BRWD1: variants seen among roughly 807,000 people sequenced by gnomAD.
The protein encoded by BRWD1 is bromodomain and WD repeat-containing protein 1.
BRWD1 carries 82 observed loss-of-function variants against 251.2 expected under a neutral mutation model. The observed-to-expected ratio is 0.33, with a 90% CI of 0.27 to 0.39. The LOEUF (loss-of-function observed/expected upper bound fraction) is 0.39, where lower values mean the gene tolerates loss of function less well. Ranked by LOEUF, BRWD1 falls within the 10% of genes least tolerant of loss-of-function variation. The pLI, the probability that BRWD1 is intolerant of heterozygous loss-of-function variation, is 1.00. For synonymous variants in BRWD1, 918 were observed against 902.8 expected, an observed-to-expected ratio of 1.02 and a Z score of -0.30; for missense variants, 2,233 against 2,711.6, an observed-to-expected ratio of 0.82 and a Z score of 3.92.
chr21:39,258,695 T>C (rs1252115907), intron 17 of BRWD1, 23 bp from the exon 18 acceptor site: 17 of 1,459,082 alleles, frequency 1.2e-5, no homozygotes, highest in Non-Finnish European at 1.5e-5. Context: ...TTATTTAATA[T>C]ATAATCATAT....
intron 8 of BRWD1, among the ~76,000 whole-genome samples, chr21:39,287,527 A>G (rs1157721170): frequency 2.0e-5 from 3 of 152,182 alleles, no homozygotes; most frequent in Non-Finnish European, 4.4e-5. Flanking sequence ...CTCTGTATTA[A>G]CCTTCAATTT....
At chr21:39,279,318 C>T (rs1432243552) in intron 9 of BRWD1, among the ~76,000 whole-genome samples, 1 of 152,042 alleles carries the variant, frequency 6.6e-6, no homozygotes, top group African/African-American at 2.4e-5. Flanking sequence ...TTGAAAATTT[C>T]ACATACTCGT....
intron 4 of BRWD1, among the ~76,000 whole-genome samples, chr21:39,307,767 A>G (rs1182885837): frequency 6.6e-6 from 1 of 152,184 alleles, no homozygotes; most frequent in Non-Finnish European, 1.5e-5. Flanking sequence ...TGTATTTCCC[A>G]CAAGTCTTGA....
Position 39,189,546 on chromosome 21 carries a change from T to A in BRWD1, c.*6713A>T. On this transcript the variant is annotated 3_prime_UTR_variant, in exon 41 of 41. Transcript: ENST00000342449. Reference sequence around the variant, plus strand: ...AAGGAAATTTGAACTTCAGTAACTATGCCCAAGGGAGGGAGAATTTGAATT... The same window carrying A: ...AAGGAAATTTGAACTTCAGTAACTAAGCCCAAGGGAGGGAGAATTTGAATT... 3 of 983,968 alleles carry A rather than the reference T, an allele frequency of 3.0e-6. No homozygotes were observed. The highest frequency in any genetic ancestry group is 4.7e-5 in the South Asian group (1 of 21,270). 61.0% of individuals were successfully genotyped at this position (983,968 alleles called of 1,614,324 possible).
chr21:39,215,207 CTTTTACACAACATCTATGAA>C lies in BRWD1; in HGVS notation c.3785+10_3785+29del. ...TTGTTAATAGCACAATATGCAGTCA[CTTTTACACAACATCTATGAA>C]ATTACTTACTTGATAAATTTTAAAA... On this transcript the variant is annotated intron_variant, in intron 32 of 40. Coordinates refer to ENST00000342449, the MANE Select transcript of BRWD1 (RefSeq NM_033656.4). The C allele has an allele frequency of 6.2e-7, 1 of 1,604,312 alleles. No individual in the cohort carries two copies. The highest frequency in any genetic ancestry group is 8.5e-7 in the Non-Finnish European group (1 of 1,172,216).
At chr21:39,273,663 G>A (rs2035189230) in intron 13 of BRWD1, among the ~76,000 whole-genome samples, 1 of 149,240 alleles carries the variant, frequency 6.7e-6, no homozygotes, top group South Asian at 2.1e-4. Flanking sequence ...TGAGATGGGG[G>A]GACTGCCTGA....
chr21:39,232,641 A>C (rs1476018692), intron 23 of BRWD1, 143 bp from the exon 24 acceptor site: 2 of 881,632 alleles, frequency 2.3e-6, no homozygotes, highest in Non-Finnish European at 3.4e-6. Flanking sequence ...CACAGCATAT[A>C]TATTTAGTTC....
chr21:39,277,371 G>C lies in BRWD1; in HGVS notation c.1004-20C>G. 3 of 1,469,776 alleles carry C rather than the reference G, an allele frequency of 2.0e-6. No homozygotes were observed. The highest frequency in any genetic ancestry group is 1.9e-6 in the Non-Finnish European group (2 of 1,074,746). The allele number at this position is 1,469,776 out of a possible 1,614,324, so 91.0% of individuals were successfully genotyped here. On this transcript the variant is annotated intron_variant, in intron 10 of 40. Transcript: ENST00000342449. ...TACCACCTGAAATAAAAATGGTAAG[G>C]TTTAAACATCCAGTTTATAACAAAT... is the stretch of plus-strand genomic sequence containing the variant.
chr21:39,200,138 A>G, intron 39 of BRWD1, 81 bp downstream of exon 39: 1 of 1,313,928 alleles, frequency 7.6e-7, no homozygotes, highest in East Asian at 2.3e-5. Context: ...ACGTAGATGC[A>G]TTAAATCGAG....
At position 39,249,044 on chromosome 21, in the gene BRWD1, C is replaced by T. The variant is rs560614295; in HGVS notation, c.2350-1212G>A. ...ATACTACCCAGCCATAAAAAAAAAA[C>T]GAGATCATGTCCTTTGCAGCAACAT... On this transcript the variant is annotated intron_variant, in intron 20 of 40. Transcript: ENST00000342449. Among the ~76,000 whole-genome samples, 3 of 150,216 alleles carry T rather than the reference C, an allele frequency of 2.0e-5. No individual in the cohort carries two copies. In the East Asian group the frequency reaches 5.8e-4, roughly 29 times the overall value.
chr21:39,261,336 G>A (rs1485751276), intron 17 of BRWD1, among the ~76,000 whole-genome samples: 2 of 152,168 alleles, frequency 1.3e-5, no homozygotes, highest in Non-Finnish European at 2.9e-5. Flanking sequence ...AGCTCTCACA[G>A]GACAGAAAAT....
At chr21:39,242,276 T>C (rs1303469610) in intron 21 of BRWD1, among the ~76,000 whole-genome samples, 2 of 152,224 alleles carry the variant, frequency 1.3e-5, no homozygotes, top group Admixed American at 6.5e-5. Flanking sequence ...ACGGCTAATA[T>C]AGAGAAAGTT....
intron 12 of BRWD1, among the ~76,000 whole-genome samples, chr21:39,275,260 A>C (rs1474709122): frequency 1.3e-5 from 2 of 152,234 alleles, no homozygotes; most frequent in Non-Finnish European, 2.9e-5. Flanking sequence ...CAATGGAGGC[A>C]AAGAAGGAGT....
intron 4 of BRWD1, among the ~76,000 whole-genome samples, chr21:39,306,812 G>GTTACT (rs2036302827): frequency 6.6e-6 from 1 of 152,250 alleles, no homozygotes; most frequent in East Asian, 1.9e-4. Context: ...GAAACAAATA[G>GTTACT]TTACTTTTAT....
intron 37 of BRWD1, among the ~76,000 whole-genome samples, chr21:39,204,446 A>G: frequency 6.6e-6 from 1 of 152,168 alleles, no homozygotes. Flanking sequence ...ATATTAATCT[A>G]AACTACATAG....
chr21:39,284,621 G>A (rs1190803161), intron 8 of BRWD1, among the ~76,000 whole-genome samples: 1 of 152,152 alleles, frequency 6.6e-6, no homozygotes, highest in African/African-American at 2.4e-5. Flanking sequence ...CAGCCATTCT[G>A]ACTGGGGTGA....
chr21:39,203,438 C>CTTTTTTCTTTTTTTT (rs2032215558), intron 37 of BRWD1, among the ~76,000 whole-genome samples: 1 of 67,716 alleles, frequency 1.5e-5, no homozygotes. Context: ...GACCCTGGTT[C>CTTTTTTCTTTTTTTT]TTTTTTTTTT....
At chr21:39,278,471 G>C in intron 10 of BRWD1, 1 of 386,850 alleles carries the variant, frequency 2.6e-6, no homozygotes, top group Non-Finnish European at 4.6e-6. Flanking sequence ...CATACACATA[G>C]TACTGGCATA....
At chr21:39,230,530 C>A (rs2836949) in intron 25 of BRWD1, among the ~76,000 whole-genome samples, 69,101 of 151,964 alleles carry the variant, frequency 0.45, 15,834 homozygotes, top group South Asian at 0.49. Context: ...CCAGTGCATA[C>A]GTAACTTGGT....
Sources: gnomAD v4.1 joint callset for allele counts (sites outside exome capture counted in the v4.1 genomes callset) on GRCh38, gnomAD v4.1.1 for gene constraint, MANE v1.5 for transcripts, NCBI Gene and HGNC (gene_info 2026-07-23, HGNC 2026-07-21) for gene names.